Variants in GUSB observed in about 807,000 individuals in gnomAD.
GUSB encodes beta-glucuronidase.
GUSB carries 51 observed loss-of-function variants against 74.6 expected under a neutral mutation model. That is an observed-to-expected ratio of 0.68 (90% CI 0.55 to 0.86). The LOEUF is 0.86. Among genes scored for constraint, GUSB ranks in the 40% least tolerant of loss-of-function variants. GUSB has a pLI of 0.00. For synonymous variants in GUSB, 360 were observed against 348.3 expected (o/e 1.03, Z -0.37); for missense variants, 736 against 853.7 (o/e 0.86, Z 1.72).
chr7:65,966,251 A>C (rs1434672627), intron 10 of GUSB, among the ~76,000 whole-genome samples: 2 of 152,160 alleles, frequency 1.3e-5, no homozygotes, highest in African/African-American at 4.8e-5. Context: ...CACTTCCCCT[A>C]CTTGACTAGT....
At chr7:65,974,778 G>A (rs1791453288) in intron 6 of GUSB, 74 bp from the exon 7 acceptor site, 3 of 1,576,260 alleles carry the variant, frequency 1.9e-6, no homozygotes, top group East Asian at 2.2e-5. Context: ...GGACCCTGGA[G>A]AGCCACCCCA....
chr7:65,976,700 G>T (rs1292978020), intron 4 of GUSB, among the ~76,000 whole-genome samples: 1 of 151,768 alleles, frequency 6.6e-6, no homozygotes, highest in Non-Finnish European at 1.5e-5. Flanking sequence ...AGGAGGCTGG[G>T]GTGGGAGGAT....
At chr7:65,973,652 G>A (rs971505690) in intron 8 of GUSB, among the ~76,000 whole-genome samples, 5 of 152,196 alleles carry the variant, frequency 3.3e-5, no homozygotes, top group Non-Finnish European at 5.9e-5. Context: ...AGCTACTCGG[G>A]AGGCTGAGGC....
chr7:65,979,919 C>T lies in GUSB; in HGVS notation c.397-8G>A, dbSNP rs1257996046. ...GTCGACCCCATTCACCCACTGCAGA[C>T]ACAGGAGATACGGGGAGGGGGCTGC... is the stretch of plus-strand genomic sequence containing the variant. On this transcript the variant is annotated splice_region_variant and splice_polypyrimidine_tract_variant and intron_variant, in intron 2 of 11. Transcript: ENST00000304895. 6.3e-7 allele frequency: 1 copy of T among 1,584,292 alleles called. No individual in the cohort carries two copies. Among genetic ancestry groups the T allele is most frequent in the Non-Finnish European group, 8.6e-7 (1 of 1,168,052 alleles).
At chr7:65,970,752 G>C (rs372430259) in intron 8 of GUSB, among the ~76,000 whole-genome samples, 2 of 152,190 alleles carry the variant, frequency 1.3e-5, no homozygotes, top group South Asian at 2.1e-4. Flanking sequence ...AGCCGGGCGT[G>C]GTGGCCGGCG....
chr7:65,978,750 G>A (rs7803283), intron 4 of GUSB, among the ~76,000 whole-genome samples: 50,171 of 150,436 alleles, frequency 0.33, 9,164 homozygotes, highest in East Asian at 0.46. Flanking sequence ...CCAGCCTGGC[G>A]ACAGAGCGAG....
intron 5 of GUSB, chr7:65,975,345 A>C (rs1035942963): frequency 2.9e-5 from 14 of 490,708 alleles, no homozygotes; most frequent in Non-Finnish European, 4.5e-5. Flanking sequence ...CCAGGAGTTG[A>C]AGACCAGCCT....
At position 65,976,045 on chromosome 7, in the gene GUSB, G is replaced by T. The variant is rs766837276; in HGVS notation, c.882C>A (p.His294Gln). The change falls in exon 5 of 12, where the codon CAC (histidine) becomes CAA (glutamine). Residue 294 changes from histidine (H) to glutamine (Q), a missense_variant. His to Gln is a conservative substitution (Grantham distance 24). This residue lies in a region of GUSB where 368 missense variants were observed against 489.9 expected (regional missense o/e 0.75). Transcript: ENST00000304895. ...GVSLWWPYLMHERPAYLYSLE... is the reference protein window; with the variant it reads ...GVSLWWPYLMQERPAYLYSLE... ...ATGAATACAGATAGGCAGGGCGTTC[G>T]TGCATCAGGTACGGCCACCAGAGGC... is the stretch of plus-strand genomic sequence containing the variant. 1 of 1,613,644 alleles carries T rather than the reference G, an allele frequency of 6.2e-7. No individual in the cohort carries two copies. Among genetic ancestry groups the T allele is most frequent in the Non-Finnish European group, 8.5e-7 (1 of 1,180,004 alleles).
intron 4 of GUSB, among the ~76,000 whole-genome samples, chr7:65,976,413 C>T (rs1791580714): frequency 1.3e-5 from 2 of 151,912 alleles, no homozygotes; most frequent in Non-Finnish European, 2.9e-5. Context: ...GCAACCTCCA[C>T]CTCTGGGGTT....
At chr7:65,980,503 CCT>C in intron 1 of GUSB, 94 bp from the exon 2 acceptor site, 1 of 1,118,556 alleles carries the variant, frequency 8.9e-7, no homozygotes. Flanking sequence ...TAGCACAAGC[CCT>C]GACACATAGC....
rs182574973 is a variant in GUSB, at chr7:65,978,641, G to A, written c.724+758C>T. On this transcript the variant is annotated intron_variant, in intron 4 of 11. Coordinates refer to ENST00000304895, the MANE Select transcript of GUSB (RefSeq NM_000181.4). ...AGAAAAATTAGCCGGGCGTGGTGGC[G>A]GGTGCCTATAATCCCAGTTACTCGG... Among the ~76,000 whole-genome samples, 385 of 147,146 alleles carry A rather than the reference G, an allele frequency of 2.6e-3. 4 individuals are homozygous for A. Among genetic ancestry groups the A allele is most frequent in the Middle Eastern group, 4.0e-3 (1 of 252 alleles).
chr7:65,974,975 G>C lies in GUSB; in HGVS notation c.1009C>G (p.Leu337Val), dbSNP rs1367205844. 6.2e-7 allele frequency: 1 copy of C among 1,613,840 alleles called. No individual in the cohort carries two copies. The change falls in exon 6 of 12, where the codon CTC becomes GTC. Residue 337 changes from leucine to valine, a missense_variant. Leu to Val is a conservative substitution (Grantham distance 32). Coordinates refer to ENST00000304895, the MANE Select transcript of GUSB (RefSeq NM_000181.4). The part of the protein sequence containing the change: ...RTVAVTKSQF[L>V]INGKPFYFHG... ...AAATAGAAAGGTTTCCCATTGATGA[G>C]GAACTGGCTCTTGGTGACAGCCACA...
intron 11 of GUSB, among the ~76,000 whole-genome samples, chr7:65,962,993 G>A (rs180750216): frequency 1.3e-5 from 2 of 151,982 alleles, no homozygotes; most frequent in Admixed American, 1.3e-4. Context: ...CAAGTGGCTG[G>A]CATTACAGGC....
intron 11 of GUSB, among the ~76,000 whole-genome samples, chr7:65,962,976 A>C (rs1363453278): frequency 1.3e-5 from 2 of 151,914 alleles, no homozygotes; most frequent in Non-Finnish European, 2.9e-5. Flanking sequence ...CTCATGCCTC[A>C]GTCTCCCAAG....
At chr7:65,980,755 G>T in intron 1 of GUSB, 1 of 390,430 alleles carries the variant, frequency 2.6e-6, no homozygotes, top group Non-Finnish European at 4.9e-6. Flanking sequence ...TGGAGGAATG[G>T]GGGGAGCTTT....
chr7:65,980,185 G>GAGCCCCC, intron 2 of GUSB, 39 bp downstream of exon 2: 1 of 725,272 alleles, frequency 1.4e-6, no homozygotes, highest in Non-Finnish European at 2.4e-6. Context: ...CAGCAGCCGT[G>GAGCCCCC]CCCCCCCACC....
Position 65,979,787 on chromosome 7 carries a change from T to G in GUSB, c.521A>C (p.Asn174Thr). 1 of 1,613,726 alleles carries G rather than the reference T, an allele frequency of 6.2e-7. No homozygotes were observed. The highest frequency in any genetic ancestry group is 8.5e-7 in the Non-Finnish European group (1 of 1,179,966). Residue 174 changes from asparagine (N) to threonine (T), a missense_variant, in exon 3 of 12, where the codon AAC becomes ACC. This residue lies in a region of GUSB where 368 missense variants were observed against 363.8 expected (regional missense o/e 1.01). Coordinates refer to ENST00000304895, the MANE Select transcript of GUSB (RefSeq NM_000181.4). The part of the protein sequence containing the change: ...SRLRITIAIN[N>T]TLTPTTLPPG... Reference sequence around the variant, plus strand: ...TGGCAGGGTGGTGGGGGTGAGTGTGTTGTTGATGGCGATAGTGATTCGGAG... The same window carrying G: ...TGGCAGGGTGGTGGGGGTGAGTGTGGTGTTGATGGCGATAGTGATTCGGAG...
In GUSB at chr7:65,974,577, C is replaced by T. The variant is rs776843811; in HGVS notation, c.1193G>A (p.Arg398His). 6.8e-6 allele frequency: 11 copies of T among 1,614,006 alleles called. No individual in the cohort carries two copies. Among genetic ancestry groups the T allele is most frequent in the African/African-American group, 2.7e-5 (2 of 74,960 alleles). ...YAEEVMQMCD[R>H]YGIVVIDECP... ...CTCATCGATGACCACAATCCCATAGCGGTCACACATCTGCATCACTTCCTC... is the reference window on the plus strand; with the variant it reads ...CTCATCGATGACCACAATCCCATAGTGGTCACACATCTGCATCACTTCCTC... Residue 398 changes from arginine to histidine, a missense_variant, in exon 7 of 12, where the codon CGC becomes CAC. Arg to His is a conservative substitution (Grantham distance 29, BLOSUM62 0). This residue lies in a region of GUSB where 368 missense variants were observed against 489.9 expected (regional missense o/e 0.75). Coordinates refer to ENST00000304895, the MANE Select transcript of GUSB (RefSeq NM_000181.4).
chr7:65,975,306 G>A (rs1791494107), intron 5 of GUSB: 9 of 545,300 alleles, frequency 1.7e-5, no homozygotes, highest in Middle Eastern at 5.0e-4. Context: ...CCACACTTTG[G>A]GAGGCTAAGG....
Sources: allele counts gnomAD v4.1 joint callset (sites outside exome capture counted in the v4.1 genomes callset), GRCh38; gene constraint gnomAD v4.1.1; regional missense constraint gnomAD v4.1.1; transcripts MANE v1.5; gene names NCBI Gene and HGNC (gene_info 2026-07-23, HGNC 2026-07-21).